DLG5: variants seen among roughly 807,000 people sequenced by gnomAD.
DLG5 encodes the protein disks large homolog 5.
DLG5 carries 48 observed loss-of-function variants against 189.8 expected under a neutral mutation model. The observed-to-expected ratio is 0.25, with a 90% CI of 0.20 to 0.32. The LOEUF is 0.32. Ranked by LOEUF, DLG5 falls within the 10% of genes least tolerant of loss-of-function variation. The pLI, the probability that DLG5 is intolerant of heterozygous loss-of-function variation, is 1.00. For synonymous variants in DLG5, 1,016 were observed against 1,054.1 expected, an observed-to-expected ratio of 0.96 and a Z score of 0.70; for missense variants, 2,160 against 2,544.7, an observed-to-expected ratio of 0.85 and a Z score of 3.25.
At chr10:77,828,128 T>C (rs1842729703) in intron 13 of DLG5, among the ~76,000 whole-genome samples, 1 of 152,096 alleles carries the variant, frequency 6.6e-6, no homozygotes, top group African/African-American at 2.4e-5. Context: ...CACAATGATG[T>C]CAATTTTTTT....
At chr10:77,892,056 A>G (rs1339145061) in intron 1 of DLG5, among the ~76,000 whole-genome samples, 1 of 152,194 alleles carries the variant, frequency 6.6e-6, no homozygotes, top group Non-Finnish European at 1.5e-5. Context: ...CACAAGTCCC[A>G]GACTCGGGAG....
chr10:77,910,971 G>A (rs993296053), intron 1 of DLG5, among the ~76,000 whole-genome samples: 1 of 133,862 alleles, frequency 7.5e-6, no homozygotes, highest in African/African-American at 2.8e-5. Context: ...GTGACAGAGC[G>A]AGATTCTGTC....
At chr10:77,884,689 G>A (rs901920537) in intron 1 of DLG5, among the ~76,000 whole-genome samples, 10 of 152,064 alleles carry the variant, frequency 6.6e-5, no homozygotes, top group Non-Finnish European at 1.3e-4. Context: ...TTTTTCCATC[G>A]ACTTCTTTTG....
At chr10:77,867,198 C>G in intron 2 of DLG5, 1 of 408,440 alleles carries the variant, frequency 2.4e-6, no homozygotes, top group South Asian at 1.8e-5. Context: ...TCTTCCTACT[C>G]AGGCTGGGAA....
intron 1 of DLG5, among the ~76,000 whole-genome samples, chr10:77,921,469 T>C (rs1248898): frequency 0.72 from 109,284 of 152,154 alleles, 40,699 homozygotes; most frequent in African/African-American, 0.93. Context: ...CCAGCTCTAA[T>C]TTCTGACAGT....
At chr10:77,850,520 A>G (rs1280009124) in intron 5 of DLG5, among the ~76,000 whole-genome samples, 2 of 152,166 alleles carry the variant, frequency 1.3e-5, no homozygotes, top group African/African-American at 2.4e-5. Flanking sequence ...GTGTGGACGT[A>G]TATTTTCAGT....
rs1841943187 is a variant in DLG5, at chr10:77,814,464, TATATATATA to T, written c.4025+2078_4025+2086del. 4.7e-4 allele frequency among the ~76,000 whole-genome samples: 14 copies of T among 30,096 alleles called. 1 individual carries two copies. Among genetic ancestry groups the T allele is most frequent in the East Asian group, 3.5e-3 (4 of 1,130 alleles). 19.7% of individuals were successfully genotyped at this position (30,096 alleles called of 152,430 possible). On this transcript the variant is annotated intron_variant, in intron 20 of 31. Coordinates refer to ENST00000372391, the MANE Select transcript of DLG5 (RefSeq NM_004747.4). ...GTACATAAATAATAAAGCATGTTTA[TATATATATA>T]TATATATATATATATATATATATAT... is the stretch of plus-strand genomic sequence containing the variant.
At chr10:77,816,144 G>C (rs1436401871) in intron 20 of DLG5, 1 of 489,686 alleles carries the variant, frequency 2.0e-6, no homozygotes. Flanking sequence ...CCACAGGTCT[G>C]TCACTCCAAC....
chr10:77,827,795 A>G (rs1842712593), intron 13 of DLG5, among the ~76,000 whole-genome samples: 1 of 152,236 alleles, frequency 6.6e-6, no homozygotes, highest in African/African-American at 2.4e-5. Flanking sequence ...ACACTTGGAA[A>G]GATATCCAAG....
At chr10:77,810,318 A>G (rs1164752845) in intron 23 of DLG5, among the ~76,000 whole-genome samples, 1 of 152,186 alleles carries the variant, frequency 6.6e-6, no homozygotes, top group East Asian at 1.9e-4. Context: ...CCGGGAGGAA[A>G]ACCTTGCAGC....
intron 8 of DLG5, among the ~76,000 whole-genome samples, 181 bp from the exon 9 acceptor site, chr10:77,834,220 A>G (rs1843014420): frequency 6.6e-6 from 1 of 152,106 alleles, no homozygotes; most frequent in Non-Finnish European, 1.5e-5. Context: ...CCAGTGCATG[A>G]CAGAGGGAAT....
intron 1 of DLG5, among the ~76,000 whole-genome samples, chr10:77,897,219 A>G (rs1845787111): frequency 6.6e-6 from 1 of 150,694 alleles, no homozygotes; most frequent in African/African-American, 2.4e-5. Context: ...AGCTGGATGT[A>G]GTGGTGCATG....
intron 1 of DLG5, among the ~76,000 whole-genome samples, chr10:77,913,099 A>T (rs1163452322): frequency 9.9e-5 from 15 of 152,154 alleles, no homozygotes; most frequent in Admixed American, 9.8e-4. Flanking sequence ...AAAATAAAAA[A>T]CTTAAGTCAT....
chr10:77,910,806 A>C (rs1161336235), intron 1 of DLG5, among the ~76,000 whole-genome samples: 2 of 152,040 alleles, frequency 1.3e-5, no homozygotes, highest in Non-Finnish European at 2.9e-5. Flanking sequence ...CGCCGTCTCT[A>C]CTAAAAATAC....
chr10:77,835,103 C>G (rs1486941241), intron 8 of DLG5, among the ~76,000 whole-genome samples: 2 of 152,162 alleles, frequency 1.3e-5, no homozygotes, highest in African/African-American at 2.4e-5. Context: ...ATCTCGCCAG[C>G]CTGCCCTCCC....
intron 8 of DLG5, among the ~76,000 whole-genome samples, chr10:77,835,509 C>T (rs974214469): frequency 2.0e-5 from 3 of 152,214 alleles, no homozygotes; most frequent in Non-Finnish European, 4.4e-5. Flanking sequence ...GGACATAGTA[C>T]ACACTTGGGA....
intron 2 of DLG5, among the ~76,000 whole-genome samples, chr10:77,861,131 G>C (rs1589228208): frequency 6.6e-6 from 1 of 152,174 alleles, no homozygotes; most frequent in Non-Finnish European, 1.5e-5. Context: ...ACCCAGGATG[G>C]AATCTTTAGA....
intron 15 of DLG5, 199 bp downstream of exon 15, chr10:77,820,883 C>T (rs547862209): frequency 8.2e-6 from 5 of 608,780 alleles, no homozygotes; most frequent in Non-Finnish European, 1.4e-5. Flanking sequence ...TCTTGTGTCA[C>T]ACTCCCACTA....
intron 1 of DLG5, among the ~76,000 whole-genome samples, chr10:77,876,399 G>C (rs1845090998): frequency 6.9e-6 from 1 of 145,280 alleles, no homozygotes. Flanking sequence ...TTTTGAAAGA[G>C]AGTCTCACTC....
Sources: allele counts gnomAD v4.1 joint callset (sites outside exome capture counted in the v4.1 genomes callset), GRCh38; gene constraint gnomAD v4.1.1; transcripts MANE v1.5; gene names NCBI Gene and HGNC (gene_info 2026-07-23, HGNC 2026-07-21).